FANCI: variants seen among roughly 807,000 people sequenced by gnomAD.
FANCI encodes the protein Fanconi anemia group I protein.
In FANCI, 156 loss-of-function variants were observed where a neutral mutation model predicts 176.1. The ratio of observed to expected loss-of-function variants is 0.89; its 90% confidence interval spans 0.78 to 1.01. The LOEUF (loss-of-function observed/expected upper bound fraction) is 1.01. Among genes scored for constraint, FANCI ranks in the 50% least tolerant of loss-of-function variants. FANCI has a pLI of 0.00. For synonymous variants in FANCI, 613 were observed against 541.7 expected (o/e 1.13, Z -1.83); for missense variants, 1,678 against 1,534.1 (o/e 1.09, Z -1.57).
At chr15:89,307,309 TAGG>T (rs546950173) in intron 32 of FANCI, among the ~76,000 whole-genome samples, 164 bp from the exon 33 acceptor site, 63 of 152,352 alleles carry the variant, frequency 4.1e-4, no homozygotes, top group African/African-American at 1.5e-3. Context: ...CTGGGAAGCT[TAGG>T]AGCTTTGGAG....
chr15:89,278,729 A>G lies in FANCI; in HGVS notation c.1336A>G (p.Asn446Asp). ...IRQEILEQVL[N>D]RVVTRASSPI... The stretch of plus-strand genomic sequence containing the variant: ...ACAAGAAATTTTGGAGCAGGTCCTC[A>G]ACAGGGTTGTTACCAGAGCATCTTC... Residue 446 changes from asparagine (N) to aspartate (D), a missense_variant, in exon 14 of 38, where the codon AAC becomes GAC. Transcript: ENST00000310775. 6.2e-7 allele frequency: 1 copy of G among 1,614,006 alleles called. No homozygotes were observed. Among genetic ancestry groups the G allele is most frequent in the Non-Finnish European group, 8.5e-7 (1 of 1,179,920 alleles).
chr15:89,258,243 C>T (rs1328660331), intron 2 of FANCI, among the ~76,000 whole-genome samples: 1 of 152,168 alleles, frequency 6.6e-6, no homozygotes, highest in Non-Finnish European at 1.5e-5. Context: ...TTCTGAGAAG[C>T]TTCCCCTTAC....
At position 89,282,575 on chromosome 15, in the gene FANCI, C is replaced by A. The variant is rs144769931; in HGVS notation, c.1584-561C>A. The A allele has an allele frequency of 7.3e-3, 1,292 of 176,876 alleles. 44 individuals are homozygous for A. Among genetic ancestry groups the A allele is most frequent in the Admixed American group, 0.046 (847 of 18,602 alleles). 11.0% of individuals were successfully genotyped at this position (176,876 alleles called of 1,614,324 possible). On this transcript the variant is annotated intron_variant, in intron 16 of 37. Coordinates refer to ENST00000310775, the MANE Select transcript of FANCI (RefSeq NM_001113378.2). ...TGGGTGTCCAGAGGAACAACTAAGCCATATGCTATTATCTTTGTTCTAGAA... is the reference window on the plus strand; with the variant it reads ...TGGGTGTCCAGAGGAACAACTAAGCAATATGCTATTATCTTTGTTCTAGAA...
chr15:89,289,499 T>TTATATTTTATATTTTTAG (rs2053974353), intron 18 of FANCI, among the ~76,000 whole-genome samples: 1 of 152,042 alleles, frequency 6.6e-6, no homozygotes, highest in Non-Finnish European at 1.5e-5. Context: ...GAGATGGGGT[T>TTATATTTTATATTTTTAG]TCACCATGTT....
At position 89,281,259 on chromosome 15, in the gene FANCI, C is replaced by T. The variant is rs1260625784; in HGVS notation, c.1471C>T (p.Leu491=). ...VTEAFDYLSF[L]PLQTVQRLLK... is the part of the protein sequence containing the mutation. Reference sequence around the variant, plus strand: ...AGAAGCTTTTGACTATTTGTCCTTTCTGCCCCTTCAGACTGTACAAAGGCT... The same window carrying T: ...AGAAGCTTTTGACTATTTGTCCTTTTTGCCCCTTCAGACTGTACAAAGGCT... The change falls in exon 15 of 38, where the codon CTG becomes TTG. Residue 491 remains leucine (L), a synonymous_variant. Transcript: ENST00000310775. 1.9e-6 allele frequency: 3 copies of T among 1,613,752 alleles called. No homozygotes were observed. Among genetic ancestry groups the T allele is most frequent in the Non-Finnish European group, 2.5e-6 (3 of 1,179,842 alleles).
In FANCI at chr15:89,293,055, T is replaced by C; in HGVS notation, c.2283T>C (p.Ser761=). The C allele has an allele frequency of 6.2e-7, 1 of 1,613,458 alleles. No individual in the cohort carries two copies. The highest frequency in any genetic ancestry group is 8.5e-7 in the Non-Finnish European group (1 of 1,179,868). The change falls in exon 22 of 38, where the codon AGT becomes AGC. Residue 761 remains serine, a synonymous_variant. Coordinates refer to ENST00000310775, the MANE Select transcript of FANCI (RefSeq NM_001113378.2). ...EVLIEYNFSI[S]SFSKNRFEDI... ...TAATAGAATACAATTTCTCCATAAG[T>C]AGTTTCAGGTAAGGTTTTGCTATAA...
chr15:89,310,590 TTC>T, intron 34 of FANCI, among the ~76,000 whole-genome samples: 1 of 152,250 alleles, frequency 6.6e-6, no homozygotes, highest in Non-Finnish European at 1.5e-5. Context: ...TTTTACATTT[TTC>T]TGTTTTTGTG....
At chr15:89,313,254 A>C (rs2055040422) in intron 35 of FANCI, among the ~76,000 whole-genome samples, 1 of 152,142 alleles carries the variant, frequency 6.6e-6, no homozygotes, top group Admixed American at 6.6e-5. Flanking sequence ...ACAACTCTGC[A>C]AATACTGAAA....
At chr15:89,296,670 C>T (rs551366286) in intron 24 of FANCI, among the ~76,000 whole-genome samples, 16 of 152,306 alleles carry the variant, frequency 1.1e-4, no homozygotes, top group East Asian at 1.9e-4. Flanking sequence ...TCCACAAAAC[C>T]GCCATTGTCA....
intron 13 of FANCI, among the ~76,000 whole-genome samples, chr15:89,277,173 T>C (rs953807045): frequency 6.6e-6 from 1 of 152,236 alleles, no homozygotes; most frequent in Non-Finnish European, 1.5e-5. Context: ...GATTTTTCCT[T>C]CTTCTTCCAG....
intron 18 of FANCI, among the ~76,000 whole-genome samples, chr15:89,286,644 G>A (rs1436678966): frequency 6.6e-6 from 1 of 152,110 alleles, no homozygotes; most frequent in Non-Finnish European, 1.5e-5. Flanking sequence ...TGCAGGCTTT[G>A]CTTTTCCATT....
intron 9 of FANCI, among the ~76,000 whole-genome samples, chr15:89,267,202 C>A (rs190414295): frequency 2.4e-4 from 36 of 152,108 alleles, no homozygotes; most frequent in Admixed American, 6.5e-4. Flanking sequence ...TGCCTGTAGT[C>A]CCAACTACTT....
At chr15:89,266,328 ATTTT>A (rs549962840) in intron 9 of FANCI, among the ~76,000 whole-genome samples, 4 of 130,064 alleles carry the variant, frequency 3.1e-5, no homozygotes, top group African/African-American at 5.8e-5. Context: ...TGCCTGGCTA[ATTTT>A]TTTTTTTTTT....
chr15:89,282,674 A>G lies in FANCI; in HGVS notation c.1584-462A>G, dbSNP rs540176039. The G allele has an allele frequency of 2.9e-4, 68 of 230,648 alleles. No individual in the cohort carries two copies. In the South Asian group the frequency reaches 4.4e-3, roughly 15 times the overall value. 14.3% of individuals were successfully genotyped at this position (230,648 alleles called of 1,614,324 possible). Reference sequence around the variant, plus strand: ...GATATTACGTTGTAACATCTTTAACATGAATTAATCATTGCGCCTCAGTGA... The same window carrying G: ...GATATTACGTTGTAACATCTTTAACGTGAATTAATCATTGCGCCTCAGTGA... On this transcript the variant is annotated intron_variant, in intron 16 of 37. Coordinates refer to ENST00000310775, the MANE Select transcript of FANCI (RefSeq NM_001113378.2).
intron 28 of FANCI, among the ~76,000 whole-genome samples, chr15:89,304,619 TAA>T (rs1243541252): frequency 6.6e-6 from 1 of 152,160 alleles, no homozygotes; most frequent in African/African-American, 2.4e-5. Flanking sequence ...GGCATGTGGA[TAA>T]AGAGGCATCA....
Position 89,260,695 on chromosome 15 carries a change from CCT to C in FANCI, c.158-17_158-16del, listed in dbSNP as rs1484169932. The C allele has an allele frequency of 3.1e-6, 5 of 1,612,734 alleles. No individual in the cohort carries two copies. Among genetic ancestry groups the C allele is most frequent in the Non-Finnish European group, 4.2e-6 (5 of 1,179,340 alleles). The stretch of plus-strand genomic sequence containing the variant: ...TGTTGTAAGACTTGTTTCTGAACCC[CCT>C]GTTTAAAACAATAAGGTTCCCCCTG... On this transcript the variant is annotated splice_polypyrimidine_tract_variant and intron_variant, in intron 3 of 37. Coordinates refer to ENST00000310775, the MANE Select transcript of FANCI (RefSeq NM_001113378.2).
intron 2 of FANCI, among the ~76,000 whole-genome samples, chr15:89,255,338 A>G (rs938686849): frequency 4.6e-5 from 7 of 152,178 alleles, no homozygotes; most frequent in African/African-American, 1.7e-4. Context: ...TCCTGGTGAT[A>G]CTGACTTTGA....
At position 89,290,307 on chromosome 15, in the gene FANCI, G is replaced by A. The variant is rs1362431331; in HGVS notation, c.1890+26G>A. On this transcript the variant is annotated intron_variant, in intron 19 of 37. Transcript: ENST00000310775. The stretch of plus-strand genomic sequence containing the variant: ...GTAAAATACATTTTTATGGATATAT[G>A]GAAAACAGACCATCAAGGATCGAGA... 1.9e-6 allele frequency: 3 copies of A among 1,551,694 alleles called. No homozygotes were observed. In the African/African-American group the frequency reaches 4.1e-5, roughly 21 times the overall value.
At chr15:89,303,384 T>C (rs2054595498) in intron 27 of FANCI, among the ~76,000 whole-genome samples, 1 of 152,250 alleles carries the variant, frequency 6.6e-6, no homozygotes, top group Non-Finnish European at 1.5e-5. Context: ...AAATGCTGTC[T>C]GGTTTCTTGC....
Sources: gnomAD v4.1 joint callset for allele counts (sites outside exome capture counted in the v4.1 genomes callset) on GRCh38, gnomAD v4.1.1 for gene constraint, MANE v1.5 for transcripts, NCBI Gene and HGNC (gene_info 2026-07-23, HGNC 2026-07-21) for gene names.